The following BIRC6 variants were observed in gnomAD, a reference collection of about 807,000 sequenced individuals.
BIRC6 encodes dual E2 ubiquitin-conjugating enzyme/E3 ubiquitin-protein ligase BIRC6.
A neutral mutation model predicts 503.3 loss-of-function variants in BIRC6; 98 were observed. The ratio of observed to expected loss-of-function variants is 0.19; its 90% CI spans 0.17 to 0.23. BIRC6 has a LOEUF of 0.23. Ranked by LOEUF, BIRC6 falls within the 10% of genes least tolerant of loss-of-function variation. The probability of loss-of-function intolerance (pLI) is 1.00; values close to 1 mark genes in which losing one functional copy is unlikely to be tolerated. For missense variants in BIRC6, 5,360 were observed against 5,806.0 expected (o/e 0.92, Z 2.50); for synonymous variants, 2,240 against 2,078.7 (o/e 1.08, Z -2.11).
chr2:32,509,020 G>A (rs1197859266), intron 51 of BIRC6, among the ~76,000 whole-genome samples: 2 of 150,348 alleles, frequency 1.3e-5, no homozygotes, highest in Non-Finnish European at 2.9e-5. Flanking sequence ...AGTGAGCCAC[G>A]ATTCCACCAC....
intron 35 of BIRC6, 55 bp downstream of exon 35, chr2:32,477,638 C>T: frequency 7.2e-7 from 1 of 1,390,080 alleles, no homozygotes. Context: ...GTGGCTCATG[C>T]CTGTAATCCC....
At chr2:32,540,504 C>A (rs981630696) in intron 61 of BIRC6, among the ~76,000 whole-genome samples, 4 of 151,858 alleles carry the variant, frequency 2.6e-5, no homozygotes, top group Admixed American at 2.6e-4. Flanking sequence ...AATAAAATTT[C>A]TTTGTTGTTA....
At chr2:32,384,294 A>G in intron 3 of BIRC6, among the ~76,000 whole-genome samples, 1 of 152,228 alleles carries the variant, frequency 6.6e-6, no homozygotes, top group Admixed American at 6.5e-5. Flanking sequence ...GTTAGCGTTG[A>G]AAATGAGTCT....
At chr2:32,574,886 T>A (rs1050195168) in intron 65 of BIRC6, 15 of 435,866 alleles carry the variant, frequency 3.4e-5, no homozygotes, top group African/African-American at 2.0e-4. Context: ...TAGCTGAGAT[T>A]ACAGGCATGC....
intron 44 of BIRC6, among the ~76,000 whole-genome samples, chr2:32,492,709 C>CT (rs748313914): frequency 6.6e-6 from 1 of 151,974 alleles, no homozygotes; most frequent in African/African-American, 2.4e-5. Flanking sequence ...CTTTTTAAAA[C>CT]TTTTTAAGTT....
chr2:32,463,939 G>C (rs749642092), intron 24 of BIRC6, among the ~76,000 whole-genome samples: 9 of 152,132 alleles, frequency 5.9e-5, no homozygotes, highest in Non-Finnish European at 1.3e-4. Context: ...TCTCATAGGA[G>C]CATGAACATT....
At chr2:32,496,840 T>C (rs1027502147) in intron 45 of BIRC6, among the ~76,000 whole-genome samples, 1 of 152,192 alleles carries the variant, frequency 6.6e-6, no homozygotes, top group Non-Finnish European at 1.5e-5. Flanking sequence ...AATTTCCTCC[T>C]TTCTTATGCA....
rs748521031 is a variant in BIRC6, at chr2:32,441,332, A to G, written c.3814A>G (p.Lys1272Glu). 2 of 1,553,998 alleles carry G rather than the reference A, an allele frequency of 1.3e-6. No individual in the cohort carries two copies. The highest frequency in any genetic ancestry group is 1.4e-5 in the African/African-American group (1 of 73,154). ...CATTATTATTTGTAATGTTTAGGAA[A>G]AATCATCTAATGTTAAGAATGAAAA... ...LLAKVAAGKE[K>E]SSNVKNENTS... Residue 1272 changes from lysine to glutamate, a missense_variant, in exon 17 of 74, where the codon AAA becomes GAA. Physicochemically the swap from Lys to Glu is moderately conservative, Grantham distance 56. This residue lies in a region of BIRC6 where 2,299 missense variants were observed against 2,267.2 expected (regional missense o/e 1.01). Coordinates refer to ENST00000421745, the MANE Select transcript of BIRC6 (RefSeq NM_016252.4).
chr2:32,454,454 T>C (rs1574326617), intron 23 of BIRC6, among the ~76,000 whole-genome samples: 1 of 148,686 alleles, frequency 6.7e-6, no homozygotes, highest in African/African-American at 2.5e-5. Flanking sequence ...TGGAAACTTG[T>C]TTATTTTCTT....
At chr2:32,446,442 CTTTA>C (rs2045952199) in intron 21 of BIRC6, among the ~76,000 whole-genome samples, 1 of 152,104 alleles carries the variant, frequency 6.6e-6, no homozygotes, top group African/African-American at 2.4e-5. Flanking sequence ...TAAGGCGTTC[CTTTA>C]TTTAGAGCAG....
Position 32,415,809 on chromosome 2 carries a change from G to A in BIRC6, c.2518G>A (p.Glu840Lys). The A allele has an allele frequency of 6.2e-7, 1 of 1,613,738 alleles. No homozygotes were observed. Among genetic ancestry groups the A allele is most frequent in the Non-Finnish European group, 8.5e-7 (1 of 1,179,858 alleles). The change falls in exon 10 of 74, where the codon GAA (glutamate) becomes AAA (lysine). Residue 840 changes from glutamate (E) to lysine (K), a missense_variant. This residue lies in a region of BIRC6 where 700 missense variants were observed against 739.3 expected (regional missense o/e 0.95). Coordinates refer to ENST00000421745, the MANE Select transcript of BIRC6 (RefSeq NM_016252.4). The stretch of plus-strand genomic sequence containing the variant: ...TTATGCCACTCGGATAGTGACTTTA[G>A]AAGAGGAGCCAATAAAAATACAACA... ...MNYATRIVTL[E>K]EEPIKIQHIK...
chr2:32,502,183 G>A (rs1369722075), intron 47 of BIRC6, among the ~76,000 whole-genome samples: 1 of 152,088 alleles, frequency 6.6e-6, no homozygotes, highest in African/African-American at 2.4e-5. Context: ...GTAGCATAGT[G>A]TAATACTGAG....
intron 65 of BIRC6, among the ~76,000 whole-genome samples, chr2:32,569,040 A>C (rs1285211313): frequency 1.3e-5 from 2 of 149,344 alleles, no homozygotes; most frequent in African/African-American, 5.0e-5. Flanking sequence ...CTGGAGTGCA[A>C]GTGCAGTGGT....
At chr2:32,581,423 G>C (rs1238238543) in intron 66 of BIRC6, among the ~76,000 whole-genome samples, 2 of 152,196 alleles carry the variant, frequency 1.3e-5, no homozygotes, top group African/African-American at 4.8e-5. Context: ...CTTGGCATTT[G>C]TGAGGAAGAA....
intron 70 of BIRC6, chr2:32,602,763 T>G (rs527845147): frequency 4.9e-6 from 2 of 407,472 alleles, no homozygotes; most frequent in African/African-American, 4.1e-5. Flanking sequence ...AAATGTTATT[T>G]GTGTTGACAT....
rs1171377798 is a variant in BIRC6, at chr2:32,479,559, A to G, written c.7350A>G (p.Gln2450=). The G allele has an allele frequency of 5.0e-6, 8 of 1,609,330 alleles. No individual in the cohort carries two copies. The highest frequency in any genetic ancestry group is 3.3e-5 in the South Asian group (3 of 89,994). Reference sequence around the variant, plus strand: ...CTGGTGACTCTGATGACTCCCTTCAACAGTCCTCAGTTCAGTTGCTGGAAA... The same window carrying G: ...CTGGTGACTCTGATGACTCCCTTCAGCAGTCCTCAGTTCAGTTGCTGGAAA... ...ATAGDSDDSL[Q]QSSVQLLETI... The change falls in exon 37 of 74, where the codon CAA becomes CAG. Residue 2450 remains glutamine (Q), a synonymous_variant. Coordinates refer to ENST00000421745, the MANE Select transcript of BIRC6 (RefSeq NM_016252.4).
Position 32,470,206 on chromosome 2 carries a change from T to A in BIRC6, c.6386T>A (p.Leu2129His). 1 of 1,571,136 alleles carries A rather than the reference T, an allele frequency of 6.4e-7. No individual in the cohort carries two copies. The highest frequency in any genetic ancestry group is 8.6e-7 in the Non-Finnish European group (1 of 1,156,890). The part of the protein sequence containing the change: ...MLLSCIGQRS[L>H]SNSGVLESLL... ...CTTTCCTGCATTGGTCAAAGATCAC[T>A]TAGTAATAGTGGAGTATTAGAAAGC... Residue 2129 changes from leucine to histidine, a missense_variant, in exon 31 of 74, where the codon CTT becomes CAT. Coordinates refer to ENST00000421745, the MANE Select transcript of BIRC6 (RefSeq NM_016252.4).
intron 22 of BIRC6, among the ~76,000 whole-genome samples, chr2:32,450,452 A>T (rs1244575185): frequency 1.3e-5 from 2 of 150,930 alleles, no homozygotes; most frequent in Admixed American, 1.3e-4. Flanking sequence ...AAAGAGTGAG[A>T]CTCCGCCTCA....
chr2:32,364,737 T>G (rs149152207), intron 1 of BIRC6, among the ~76,000 whole-genome samples: 3 of 151,886 alleles, frequency 2.0e-5, no homozygotes, highest in African/African-American at 7.2e-5. Context: ...TACTGTAGCT[T>G]CAGTGAGGTT....
Sources: allele counts gnomAD v4.1 joint callset (sites outside exome capture counted in the v4.1 genomes callset), GRCh38; gene constraint gnomAD v4.1.1; regional missense constraint gnomAD v4.1.1; transcripts MANE v1.5; gene names NCBI Gene and HGNC (gene_info 2026-07-23, HGNC 2026-07-21).